MYH6: variants seen among roughly 807,000 people sequenced by gnomAD.
MYH6 encodes the protein myosin heavy chain 6.
In MYH6, 126 loss-of-function variants were observed where a neutral mutation model predicts 223.2. The observed-to-expected ratio is 0.56, with a 90% CI of 0.49 to 0.65. The LOEUF is 0.65. MYH6 is among the 30% of genes least tolerant of loss of function. MYH6 has a pLI of 0.00. For missense variants in MYH6, 2,040 were observed against 2,536.4 expected (o/e 0.80, Z 4.20); for synonymous variants, 978 against 1,010.2 (o/e 0.97, Z 0.61).
At chr14:23,396,918 C>T (rs765229198) in intron 18 of MYH6, 45 bp downstream of exon 18, 3 of 1,612,488 alleles carry the variant, frequency 1.9e-6, no homozygotes, top group Admixed American at 3.3e-5. Context: ...TCAGGGCAGC[C>T]TGGCTCCCCC....
At chr14:23,404,546 GGTGA>G (rs1367980734) in intron 7 of MYH6, among the ~76,000 whole-genome samples, 158 bp from the exon 8 acceptor site, 3 of 152,312 alleles carry the variant, frequency 2.0e-5, no homozygotes, top group African/African-American at 7.2e-5. Flanking sequence ...CAGACCTCAG[GGTGA>G]GTGTCTCCTG....
At position 23,382,518 on chromosome 14, in the gene MYH6, C is replaced by A. The variant is rs746154984; in HGVS notation, c.5706G>T (p.Gln1902His). ...NTNLSKFRKV[Q>H]HELDEAEERA... ...GCTCCTCTGCCTCATCCAGCTCATG[C>A]TGCACCTTGCGGAACTTGGACAGGT... Residue 1902 changes from glutamine (Q) to histidine (H), a missense_variant, in exon 38 of 39, where the codon CAG becomes CAT. This residue lies in a region of MYH6 where 1,203 missense variants were observed against 1,400.2 expected (regional missense o/e 0.86). Coordinates refer to ENST00000405093, the MANE Select transcript of MYH6 (RefSeq NM_002471.4). The A allele has an allele frequency of 1.9e-5, 30 of 1,614,052 alleles. No individual in the cohort carries two copies. In the South Asian group the frequency reaches 3.1e-4, roughly 17 times the overall value.
chr14:23,397,929 C>CTTCTCTTCT (rs1891449857), intron 15 of MYH6, among the ~76,000 whole-genome samples: 1 of 123,058 alleles, frequency 8.1e-6, no homozygotes, highest in Non-Finnish European at 1.7e-5. Flanking sequence ...CCTCCTCCTC[C>CTTCTCTTCT]TCCTCTTCTT....
chr14:23,406,872 G>A, intron 3 of MYH6, 151 bp downstream of exon 3: 2 of 887,340 alleles, frequency 2.3e-6, no homozygotes, highest in South Asian at 2.8e-5. Flanking sequence ...AGAGGGATCA[G>A]ATTCTGGGCT....
chr14:23,393,183 G>A (rs961171853), intron 23 of MYH6, 126 bp from the exon 24 acceptor site: 3 of 1,492,574 alleles, frequency 2.0e-6, no homozygotes, highest in Non-Finnish European at 2.8e-6. Flanking sequence ...AATCCTGCAA[G>A]CACAAAGGAT....
intron 8 of MYH6, 118 bp downstream of exon 8, chr14:23,404,178 T>C: frequency 8.1e-7 from 1 of 1,230,200 alleles, no homozygotes; most frequent in Non-Finnish European, 1.2e-6. Context: ...CCCACCAACG[T>C]GTGCATGTTG....
intron 15 of MYH6, among the ~76,000 whole-genome samples, chr14:23,397,966 TCTTCTTC>T (rs1891472836): frequency 1.6e-5 from 2 of 126,966 alleles, no homozygotes; most frequent in Admixed American, 8.3e-5. Flanking sequence ...TTCTTCTTCT[TCTTCTTC>T]TTCTTCTTCT....
chr14:23,396,233 G>A (rs549867136), intron 20 of MYH6, 51 bp downstream of exon 20: 59 of 1,612,846 alleles, frequency 3.7e-5, no homozygotes, highest in Middle Eastern at 1.7e-4. Context: ...TTGACATTGC[G>A]GATCTGCCTC....
chr14:23,396,552 A>G (rs1347424513), intron 19 of MYH6, 132 bp from the exon 20 acceptor site: 1 of 1,572,638 alleles, frequency 6.4e-7, no homozygotes, highest in African/African-American at 1.4e-5. Flanking sequence ...TTTGACAAAC[A>G]AGACCGGAAT....
At position 23,407,124 on chromosome 14, in the gene MYH6, G is replaced by C; in HGVS notation, c.100C>G (p.Arg34Gly). 1 of 1,614,222 alleles carries C rather than the reference G, an allele frequency of 6.2e-7. No homozygotes were observed. The highest frequency in any genetic ancestry group is 1.3e-5 in the African/African-American group (1 of 75,060). ...LEAQTRPFDI[R>G]TECFVPDDKE... Reference sequence around the variant, plus strand: ...TCATCGGGCACGAAGCACTCAGTGCGAATGTCAAAGGGCCGGGTCTGGGCC... The same window carrying C: ...TCATCGGGCACGAAGCACTCAGTGCCAATGTCAAAGGGCCGGGTCTGGGCC... The change falls in exon 3 of 39, where the codon CGC becomes GGC. Residue 34 changes from arginine to glycine, a missense_variant. Arg to Gly is a moderately radical substitution (Grantham distance 125). This residue lies in a region of MYH6 where 184 missense variants were observed against 232.4 expected (regional missense o/e 0.79). Coordinates refer to ENST00000405093, the MANE Select transcript of MYH6 (RefSeq NM_002471.4). This position sits in a 1 kb window ranked among gnomAD's most constrained non-coding sequence, Gnocchi z 5.6.
intron 20 of MYH6, among the ~76,000 whole-genome samples, chr14:23,395,545 G>A (rs1222575792): frequency 6.9e-6 from 1 of 145,666 alleles, no homozygotes; most frequent in East Asian, 2.0e-4. Context: ...TTTTTTTTTT[G>A]AGATGGAGTC....
Position 23,382,125 on chromosome 14 carries a change from A to AAT in MYH6, c.5797-64_5797-63dup, listed in dbSNP as rs535582101. On this transcript the variant is annotated intron_variant, in intron 38 of 38. Coordinates refer to ENST00000405093, the MANE Select transcript of MYH6 (RefSeq NM_002471.4). ...CAAGAGGGAGAAGTGTGTGGGGACAAATCCCTGGGGCTTTCAGAGGCCTAA... is the reference window on the plus strand; with the variant it reads ...CAAGAGGGAGAAGTGTGTGGGGACAAATATCCCTGGGGCTTTCAGAGGCCTAA... The AAT allele has an allele frequency of 2.0e-4, 296 of 1,491,068 alleles. 1 individual carries two copies. The African/African-American group carries it at 3.6e-3, about 18-fold the overall frequency. The allele number at this position is 1,491,068 out of a possible 1,614,324, so 92.4% of individuals were successfully genotyped here. A position where few individuals can be genotyped will look rare whatever the true frequency, so the allele number is the denominator to read the frequency against.
chr14:23,390,906 C>A (rs1891220226), intron 25 of MYH6, among the ~76,000 whole-genome samples: 2 of 152,166 alleles, frequency 1.3e-5, no homozygotes, highest in South Asian at 4.1e-4. Flanking sequence ...TGCCTCGAAA[C>A]AATCAGATAC....
At position 23,389,036 on chromosome 14, in the gene MYH6, T is replaced by C. The variant is rs752258570; in HGVS notation, c.3998A>G (p.His1333Arg). Reference sequence around the variant, plus strand: ...GTCATGCCGGGCCGACTGCAGTGCATGGGCCAGGGCGTTCTTCGCCTGGGG... The same window carrying C: ...GTCATGCCGGGCCGACTGCAGTGCACGGGCCAGGGCGTTCTTCGCCTGGGG... ...EEGKAKNALA[H>R]ALQSARHDCD... The change falls in exon 29 of 39, where the codon CAT (histidine) becomes CGT (arginine). Residue 1333 changes from histidine to arginine, a missense_variant. His to Arg is a conservative substitution (Grantham distance 29, BLOSUM62 0). Transcript: ENST00000405093. 5.2e-6 allele frequency: 8 copies of C among 1,531,406 alleles called. No homozygotes were observed. The East Asian group carries it at 8.2e-5, about 16-fold the overall frequency. The allele number at this position is 1,531,406 out of a possible 1,614,324, so 94.9% of individuals were successfully genotyped here.
At chr14:23,404,928 C>T (rs1214422896) in intron 6 of MYH6, 106 bp from the exon 7 acceptor site, 1 of 1,481,964 alleles carries the variant, frequency 6.7e-7, no homozygotes, top group Non-Finnish European at 9.4e-7. Flanking sequence ...AGCCCAGCAC[C>T]CAGCAGGATT....
At position 23,405,530 on chromosome 14, in the gene MYH6, T is replaced by C. The variant is rs980751809; in HGVS notation, c.345+97A>G. On this transcript the variant is annotated intron_variant, in intron 4 of 38. Transcript: ENST00000405093. This position sits in a 1 kb window ranked among gnomAD's most constrained non-coding sequence, Gnocchi z 4.7. ...GAGGGGGGAAGGGGACTTGGGTCCC[T>C]TGGGAGTCTCTCCCCCTCTTCTTGG... 10 of 1,599,872 alleles carry C rather than the reference T, an allele frequency of 6.3e-6. No homozygotes were observed. The highest frequency in any genetic ancestry group is 7.7e-6 in the Non-Finnish European group (9 of 1,171,228).
At position 23,407,276 on chromosome 14, in the gene MYH6, G is replaced by C. The variant is rs1254124105; in HGVS notation, c.-13-40C>G. 3.7e-6 allele frequency: 6 copies of C among 1,608,812 alleles called. No individual in the cohort carries two copies. In the African/African-American group the frequency reaches 5.3e-5, roughly 14 times the overall value. On this transcript the variant is annotated intron_variant, in intron 2 of 38. Transcript: ENST00000405093. The surrounding 1 kb of genome is among the most constrained non-coding windows in gnomAD (Gnocchi z 5.6). ...GGAGGGCTATGTTACTCCTGAGGGA[G>C]CCCAGGCTCCAGCGAGTGGCTTTGT...
chr14:23,393,454 T>C lies in MYH6; in HGVS notation c.2993A>G (p.Lys998Arg), dbSNP rs1247833669. Residue 998 changes from lysine (K) to arginine (R), a missense_variant, in exon 23 of 39, where the codon AAG becomes AGG. Lys to Arg is a conservative substitution (Grantham distance 26). This residue lies in a region of MYH6 where 1,203 missense variants were observed against 1,400.2 expected (regional missense o/e 0.86). Coordinates refer to ENST00000405093, the MANE Select transcript of MYH6 (RefSeq NM_002471.4). ...CTGATGGGCCTCTTGTAGAGCTTTC[T>C]TCTCCTTGGTCAGCTTAGCGATGAT... The part of the protein sequence containing the change: ...DEIIAKLTKE[K>R]KALQEAHQQA... 1.9e-6 allele frequency: 3 copies of C among 1,614,178 alleles called. No homozygotes were observed. Among genetic ancestry groups the C allele is most frequent in the Non-Finnish European group, 2.5e-6 (3 of 1,180,028 alleles).
chr14:23,405,895 GC>G lies in MYH6; in HGVS notation c.202-126del. On this transcript the variant is annotated intron_variant, in intron 3 of 38. Coordinates refer to ENST00000405093, the MANE Select transcript of MYH6 (RefSeq NM_002471.4). The surrounding 1 kb of genome is among the most constrained non-coding windows in gnomAD (Gnocchi z 4.7). Reference sequence around the variant, plus strand: ...CCTTGCTCCCCTTGCTCTGACCAGTGCCCCGGCCCCTACCCCGATGTCCCCT... The same window carrying G: ...CCTTGCTCCCCTTGCTCTGACCAGTGCCCGGCCCCTACCCCGATGTCCCCT... 1 of 1,195,462 alleles carries G rather than the reference GC, an allele frequency of 8.4e-7. No homozygotes were observed. Among genetic ancestry groups the G allele is most frequent in the Non-Finnish European group, 1.2e-6 (1 of 812,586 alleles). 74.1% of individuals were successfully genotyped at this position (1,195,462 alleles called of 1,614,324 possible). A position where few individuals can be genotyped will look rare whatever the true frequency, so the allele number is the denominator to read the frequency against.
Sources: allele counts gnomAD v4.1 joint callset (sites outside exome capture counted in the v4.1 genomes callset), GRCh38; gene constraint gnomAD v4.1.1; regional missense constraint gnomAD v4.1.1; non-coding constraint Gnocchi (gnomAD v3.1); transcripts MANE v1.5; gene names NCBI Gene and HGNC (gene_info 2026-07-23, HGNC 2026-07-21).